Variants in MSR1 observed in about 807,000 individuals in gnomAD.
The protein encoded by MSR1 is macrophage scavenger receptor 1, also known as macrophage scavenger receptor types I and II.
A neutral mutation model predicts 47.2 loss-of-function variants in MSR1; 53 were observed. That is an observed-to-expected ratio of 1.12 (90% CI 0.90 to 1.41). The LOEUF (loss-of-function observed/expected upper bound fraction) is 1.41. Ranked by LOEUF, MSR1 falls within the 40% of genes most tolerant of loss-of-function variation. The pLI, the probability that MSR1 is intolerant of heterozygous loss-of-function variation, is 0.00. For missense variants in MSR1, 786 were observed against 546.9 expected, an observed-to-expected ratio of 1.44 and a Z score of -4.36; for synonymous variants, 239 against 185.6, an observed-to-expected ratio of 1.29 and a Z score of -2.34.
chr8:16,188,967 C>CATATATATAT (rs200739372), intron 1 of MSR1, among the ~76,000 whole-genome samples: 76 of 122,268 alleles, frequency 6.2e-4, no homozygotes, highest in African/African-American at 1.3e-3. Flanking sequence ...AACACACATA[C>CATATATATAT]ATATATATAT....
chr8:16,161,213 A>C (rs558416217), intron 5 of MSR1, among the ~76,000 whole-genome samples: 10 of 151,828 alleles, frequency 6.6e-5, no homozygotes, highest in African/African-American at 2.4e-4. Flanking sequence ...AGGACTTACA[A>C]ATGGATTACA....
rs901146198 is a variant in MSR1 at position 16,108,324 on chromosome 8, C to T, written c.*1761G>A. On this transcript the variant is annotated 3_prime_UTR_variant, in exon 10 of 10. Coordinates refer to ENST00000262101, the MANE Select transcript of MSR1 (RefSeq NM_138715.3). The stretch of plus-strand genomic sequence containing the variant: ...TAATAATACTAATAGTTAATACTAA[C>T]AGTTAACACTAATAGTTAATACTAT... The T allele has an allele frequency of 2.0e-5, 3 of 151,144 alleles. No homozygotes were observed. Among genetic ancestry groups the T allele is most frequent in the Admixed American group, 6.6e-5 (1 of 15,166 alleles). 9.4% of individuals were successfully genotyped at this position (151,144 alleles called of 1,614,324 possible).
chr8:16,136,202 C>T (rs967741418), intron 8 of MSR1, among the ~76,000 whole-genome samples: 7 of 152,120 alleles, frequency 4.6e-5, no homozygotes, highest in Non-Finnish European at 1.0e-4. Context: ...AGAAATCTCT[C>T]ATGAGGAGAA....
At chr8:16,140,620 G>T (rs1458194705) in intron 8 of MSR1, 1 of 1,114,168 alleles carries the variant, frequency 9.0e-7, no homozygotes, top group Non-Finnish European at 1.1e-6. Context: ...AAGTTAGGGT[G>T]AGAACACAGC....
chr8:16,161,550 C>A (rs1379838888), intron 5 of MSR1, among the ~76,000 whole-genome samples: 1 of 151,802 alleles, frequency 6.6e-6, no homozygotes, highest in Non-Finnish European at 1.5e-5. Flanking sequence ...AATGAGAATA[C>A]CCTTGCAACA....
At chr8:16,126,839 G>A (rs1417241350) in intron 8 of MSR1, among the ~76,000 whole-genome samples, 1 of 152,088 alleles carries the variant, frequency 6.6e-6, no homozygotes, top group Admixed American at 6.6e-5. Context: ...TTACAGACAT[G>A]AGCCACTGCA....
chr8:16,141,108 A>G, intron 8 of MSR1: 1 of 1,573,704 alleles, frequency 6.4e-7, no homozygotes, highest in East Asian at 2.3e-5. Context: ...GCCTTACAAA[A>G]TTTTAAAGAT....
chr8:16,151,683 G>A (rs1800864365), intron 6 of MSR1, among the ~76,000 whole-genome samples: 1 of 152,150 alleles, frequency 6.6e-6, no homozygotes, highest in South Asian at 2.1e-4. Context: ...AGAGACGTTA[G>A]ACATCATCAA....
chr8:16,129,024 G>T (rs991014722), intron 8 of MSR1, among the ~76,000 whole-genome samples: 11 of 152,092 alleles, frequency 7.2e-5, no homozygotes, highest in African/African-American at 2.7e-4. Flanking sequence ...GTTCGAGGTG[G>T]AAGATGTTTT....
chr8:16,133,928 T>G (rs1031183066), intron 8 of MSR1, among the ~76,000 whole-genome samples: 1 of 152,188 alleles, frequency 6.6e-6, no homozygotes, highest in Non-Finnish European at 1.5e-5. Context: ...AGTTGAGATG[T>G]CTGTGGTGTT....
rs142520721 is a variant in MSR1, at chr8:16,167,802, A to C, written c.630+656T>G. On this transcript the variant is annotated intron_variant, in intron 4 of 9. Coordinates refer to ENST00000262101, the MANE Select transcript of MSR1 (RefSeq NM_138715.3). Reference sequence around the variant, plus strand: ...TGTCTTTCTTATATTATTCAAAACTATGGACAGTTTCTTCTTTGTACACTT... The same window carrying C: ...TGTCTTTCTTATATTATTCAAAACTCTGGACAGTTTCTTCTTTGTACACTT... Among the ~76,000 whole-genome samples the C allele has an allele frequency of 2.2e-3, 341 of 152,280 alleles. 1 individual carries two copies. The highest frequency in any genetic ancestry group is 3.4e-3 in the Non-Finnish European group (228 of 68,016).
intron 9 of MSR1, among the ~76,000 whole-genome samples, chr8:16,119,012 C>T (rs1335593138): frequency 6.6e-6 from 1 of 152,124 alleles, no homozygotes; most frequent in Non-Finnish European, 1.5e-5. Context: ...CTCCACAGAT[C>T]TCTCTGAAGC....
chr8:16,140,405 A>G (rs1199771695), intron 8 of MSR1: 1 of 985,334 alleles, frequency 1.0e-6, no homozygotes, highest in Non-Finnish European at 1.2e-6. Flanking sequence ...TGAAAAACAA[A>G]TGGATTTTTC....
In MSR1 at chr8:16,131,440, A is replaced by AGTTTTTTTTTTTTT. The variant is rs1491295867; in HGVS notation, c.1034-10848_1034-10835dup. ...CTATGTATCTGTTTACTCTGTTGATAGTTTTTTTTTTTTTTTTTTTTTTTT... is the reference window on the plus strand; with the variant it reads ...CTATGTATCTGTTTACTCTGTTGATAGTTTTTTTTTTTTTGTTTTTTTTTTTTTTTTTTTTTTTT... On this transcript the variant is annotated intron_variant, in intron 8 of 9. Coordinates refer to ENST00000262101, the MANE Select transcript of MSR1 (RefSeq NM_138715.3). Among the ~76,000 whole-genome samples the AGTTTTTTTTTTTTT allele has an allele frequency of 3.7e-3, 293 of 79,580 alleles. 12 individuals are homozygous for AGTTTTTTTTTTTTT. The highest frequency in any genetic ancestry group is 0.016 in the African/African-American group (278 of 17,212). The allele number at this position is 79,580 out of a possible 152,430, so 52.2% of individuals were successfully genotyped here. A position where few individuals can be genotyped will look rare whatever the true frequency, so the allele number is the denominator to read the frequency against.
intron 1 of MSR1, among the ~76,000 whole-genome samples, chr8:16,178,586 C>G (rs776833808): frequency 6.6e-5 from 10 of 152,060 alleles, no homozygotes; most frequent in African/African-American, 2.4e-4. Context: ...TGTCTTTATA[C>G]CAGCATGATT....
chr8:16,177,512 T>C (rs1294340032), intron 2 of MSR1, among the ~76,000 whole-genome samples: 1 of 151,908 alleles, frequency 6.6e-6, no homozygotes, highest in African/African-American at 2.4e-5. Context: ...ATCTCAGAAC[T>C]GTGAGCGAAT....
chr8:16,121,941 AT>A (rs1474025335), intron 8 of MSR1, among the ~76,000 whole-genome samples: 3 of 152,046 alleles, frequency 2.0e-5, no homozygotes, highest in Admixed American at 6.6e-5. Context: ...TTTTTAACTT[AT>A]GCTTATTACT....
chr8:16,139,678 C>T (rs1046938082), intron 8 of MSR1: 8 of 963,052 alleles, frequency 8.3e-6, no homozygotes, highest in African/African-American at 3.8e-5. Context: ...CCAGGTAATA[C>T]ATGAAAAGTT....
chr8:16,153,551 T>C (rs995379447), intron 6 of MSR1, among the ~76,000 whole-genome samples: 1 of 151,952 alleles, frequency 6.6e-6, no homozygotes, highest in African/African-American at 2.4e-5. Context: ...TGACAAATCG[T>C]TAATTTACAA....
Sources: gnomAD v4.1 joint callset for allele counts (sites outside exome capture counted in the v4.1 genomes callset) on GRCh38, gnomAD v4.1.1 for gene constraint, MANE v1.5 for transcripts, NCBI Gene and HGNC (gene_info 2026-07-23, HGNC 2026-07-21) for gene names.